The following MACF1 variants were observed in gnomAD, a reference collection of about 807,000 sequenced individuals.
MACF1 encodes microtubule actin crosslinking factor 1, also known as microtubule-actin cross-linking factor 1.
In MACF1, 193 loss-of-function variants were observed where a neutral mutation model predicts 854.8. That is an observed-to-expected ratio of 0.23 (90% CI 0.20 to 0.25). The LOEUF (loss-of-function observed/expected upper bound fraction) is 0.25, where lower values mean the gene tolerates loss of function less well. MACF1 is among the 10% of genes least tolerant of loss of function. The pLI is 1.00. For missense variants in MACF1, 7,722 were observed against 8,929.1 expected (o/e 0.86, Z 5.45); for synonymous variants, 3,185 against 3,226.7 (o/e 0.99, Z 0.44).
rs144760259 is a variant in MACF1, at chr1:39,387,969, G to T, written c.15127G>T (p.Ala5043Ser). The T allele has an allele frequency of 5.1e-3, 8,253 of 1,614,050 alleles. 61 individuals carry two copies. The highest frequency in any genetic ancestry group is 4.9e-3 in the Non-Finnish European group (5,769 of 1,180,016). ...LEIFDALGSQ[A>S]CSNKNLEKLR... is the part of the protein sequence containing the mutation. The stretch of plus-strand genomic sequence containing the variant: ...GATCTTTGATGCTCTGGGTTCTCAA[G>T]CCTGTAGCAACAAGAACCTGGAGAA... The change falls in exon 58 of 101, where the codon GCC becomes TCC. Residue 5043 changes from alanine to serine, a missense_variant. Ala to Ser is a moderately conservative substitution (Grantham distance 99). Transcript: ENST00000564288.
At chr1:39,477,135 T>TATACACACACATATATACACACACAC (rs71060314) in intron 97 of MACF1, among the ~76,000 whole-genome samples, 1 of 103,370 alleles carries the variant, frequency 9.7e-6, no homozygotes, top group African/African-American at 3.9e-5. Context: ...TATATATATA[T>TATACACACACATATATACACACACAC]ACACACACAC....
At chr1:39,134,257 A>G (rs1262849434) in intron 2 of MACF1, among the ~76,000 whole-genome samples, 1 of 150,956 alleles carries the variant, frequency 6.6e-6, no homozygotes, top group Non-Finnish European at 1.5e-5. Context: ...TGTGTTAGCC[A>G]GGATGGTTTC....
chr1:39,131,807 GTTTA>G (rs926379885), intron 2 of MACF1, among the ~76,000 whole-genome samples: 5 of 152,106 alleles, frequency 3.3e-5, no homozygotes, highest in South Asian at 2.1e-4. Flanking sequence ...ATTTTTGTTT[GTTTA>G]TTTATTTGTT....
chr1:39,223,923 G>A (rs1241182887), intron 1 of MACF1, among the ~76,000 whole-genome samples: 2 of 152,174 alleles, frequency 1.3e-5, no homozygotes, highest in Non-Finnish European at 2.9e-5. Context: ...GAGAAGGATG[G>A]ATTACAGCAG....
chr1:39,441,568 C>T (rs1279745653), intron 74 of MACF1, among the ~76,000 whole-genome samples: 4 of 152,198 alleles, frequency 2.6e-5, no homozygotes, highest in African/African-American at 9.7e-5. Flanking sequence ...CATTCAGCTA[C>T]GTTGTGAAGC....
chr1:39,399,673 G>A (rs528695920), intron 58 of MACF1, among the ~76,000 whole-genome samples: 21 of 152,052 alleles, frequency 1.4e-4, no homozygotes, highest in Non-Finnish European at 2.4e-4. Flanking sequence ...CACCATGCCC[G>A]GCCTTATAAA....
rs140280687 is a variant in MACF1 at position 39,412,741 on chromosome 1, G to A, written c.15817-9633G>A. 9.5e-4 allele frequency: 1,528 copies of A among 1,613,612 alleles called. 16 individuals carry two copies. The African/African-American group carries it at 0.018, about 19-fold the overall frequency. On this transcript the variant is annotated intron_variant, in intron 58 of 100. Coordinates refer to ENST00000564288, the MANE Select transcript of MACF1 (RefSeq NM_001394062.1). ...TGGTAATACTGAACCAGTTTTAGAG[G>A]AATGGATACCCGTCCTCCAGAGACC...
chr1:39,401,295 T>C (rs968391446), intron 58 of MACF1, among the ~76,000 whole-genome samples: 4 of 152,212 alleles, frequency 2.6e-5, no homozygotes, highest in African/African-American at 7.2e-5. Flanking sequence ...AGCCACTCAG[T>C]TGCCCATTAG....
Position 39,434,402 on chromosome 1 carries a change from T to TC in MACF1, c.17566-12_17566-11insC. On this transcript the variant is annotated splice_polypyrimidine_tract_variant and intron_variant, in intron 68 of 100. Transcript: ENST00000564288. The stretch of plus-strand genomic sequence containing the variant: ...ATACTTATCCTTTTTTTTTTTTTTT[T>TC]TGCTCACATAGGAAAAGACAGAGTC... 1 of 1,409,504 alleles carries TC rather than the reference T, an allele frequency of 7.1e-7. No homozygotes were observed. Among genetic ancestry groups the TC allele is most frequent in the African/African-American group, 1.4e-5 (1 of 69,076 alleles). The allele number at this position is 1,409,504 out of a possible 1,614,324, so 87.3% of individuals were successfully genotyped here.
chr1:39,187,493 C>T (rs1262771748), intron 2 of MACF1, among the ~76,000 whole-genome samples: 1 of 152,130 alleles, frequency 6.6e-6, no homozygotes, highest in Non-Finnish European at 1.5e-5. Context: ...CACCTGTCTT[C>T]CCTGTTGGAT....
intron 58 of MACF1, among the ~76,000 whole-genome samples, chr1:39,398,363 T>A (rs1175554242): frequency 6.6e-6 from 1 of 152,108 alleles, no homozygotes; most frequent in Non-Finnish European, 1.5e-5. Context: ...GGCCTTGAAC[T>A]CCTGAGCTCA....
chr1:39,315,560 T>G lies in MACF1; in HGVS notation c.3318T>G (p.Val1106=). The change falls in exon 27 of 101, where the codon GTT becomes GTG. Residue 1106 remains valine, a synonymous_variant. Transcript: ENST00000564288. Reference sequence around the variant, plus strand: ...AATTGAGGTCAGACTTGGATGCAGTTTCTATGAAATGTGACAGCTTTCTCC... The same window carrying G: ...AATTGAGGTCAGACTTGGATGCAGTGTCTATGAAATGTGACAGCTTTCTCC... ...LQQLRSDLDA[V]SMKCDSFLHQ... The G allele has an allele frequency of 6.2e-7, 1 of 1,614,158 alleles. No homozygotes were observed. Among genetic ancestry groups the G allele is most frequent in the Non-Finnish European group, 8.5e-7 (1 of 1,180,010 alleles).
At chr1:39,260,357 TTTTTC>T (rs1645147917) in intron 6 of MACF1, 1 of 151,944 alleles carries the variant, frequency 6.6e-6, no homozygotes, top group African/African-American at 2.4e-5. Context: ...TATTTCTTTC[TTTTTC>T]TTTTCTTTTT....
chr1:39,251,768 G>A (rs1645042410), intron 3 of MACF1, 78 bp from the exon 4 acceptor site: 4 of 744,238 alleles, frequency 5.4e-6, no homozygotes, highest in East Asian at 6.7e-5. Flanking sequence ...TTTAAGTGTT[G>A]CATTCATTTC....
Position 39,388,488 on chromosome 1 carries a change from G to C in MACF1, c.15646G>C (p.Gly5216Arg). 1 of 1,614,184 alleles carries C rather than the reference G, an allele frequency of 6.2e-7. No homozygotes were observed. The highest frequency in any genetic ancestry group is 8.5e-7 in the Non-Finnish European group (1 of 1,180,040). ...ACAGTGTGGCAAACTGACAGAGAGG[G>C]GGAAAGCTCGTCAGGAACAGCTGGA... The part of the protein sequence containing the change: ...NKQCGKLTER[G>R]KARQEQLELT... Residue 5216 changes from glycine to arginine, a missense_variant, in exon 58 of 101, where the codon GGG becomes CGG. Gly to Arg is a moderately radical substitution (Grantham distance 125, BLOSUM62 -2). Coordinates refer to ENST00000564288, the MANE Select transcript of MACF1 (RefSeq NM_001394062.1).
At chr1:39,360,040 TATATATATATATAC>T (rs1455474685) in intron 47 of MACF1, among the ~76,000 whole-genome samples, 137 of 58,920 alleles carry the variant, frequency 2.3e-3, no homozygotes, top group African/African-American at 4.8e-3. Flanking sequence ...TATATATATA[TATATATATATATAC>T]ACACACACAC....
rs764730015 is a variant in MACF1 at position 39,310,851 on chromosome 1, G to A, written c.3121G>A (p.Ala1041Thr). The change falls in exon 26 of 101, where the codon GCC becomes ACC. Residue 1041 changes from alanine to threonine, a missense_variant. Physicochemically the swap from Ala to Thr is moderately conservative, Grantham distance 58. Transcript: ENST00000564288. ...MENEDKEETV[A>T]KMYISELKNI... Reference sequence around the variant, plus strand: ...CACAGAGGACAAAGAGGAGACTGTGGCCAAGATGTACATTTCAGAGTTGAA... The same window carrying A: ...CACAGAGGACAAAGAGGAGACTGTGACCAAGATGTACATTTCAGAGTTGAA... 35 of 1,612,744 alleles carry A rather than the reference G, an allele frequency of 2.2e-5. No individual in the cohort carries two copies. In the East Asian group the frequency reaches 7.1e-4, roughly 33 times the overall value.
Position 39,382,333 on chromosome 1 carries a change from CTAT to C in MACF1, c.13848+193_13848+195del, listed in dbSNP as rs756150138. Among the ~76,000 whole-genome samples the C allele has an allele frequency of 7.7e-4, 117 of 152,122 alleles. 1 individual carries two copies. Among genetic ancestry groups the C allele is most frequent in the Middle Eastern group, 3.4e-3 (1 of 292 alleles). Reference sequence around the variant, plus strand: ...GTAAAATAGTAAACAGTCAAAAACTCTATTATTATTATTAATAGAGACAGTAAG... The same window carrying C: ...GTAAAATAGTAAACAGTCAAAAACTCTATTATTATTAATAGAGACAGTAAG... On this transcript the variant is annotated intron_variant, in intron 56 of 100. Coordinates refer to ENST00000564288, the MANE Select transcript of MACF1 (RefSeq NM_001394062.1).
At chr1:39,268,856 A>G (rs1645268437) in intron 6 of MACF1, 6 of 1,289,694 alleles carry the variant, frequency 4.7e-6, no homozygotes, top group Non-Finnish European at 6.1e-6. Flanking sequence ...AAACCTCAGA[A>G]GGAACTGGAG....
Sources: gnomAD v4.1 joint callset for allele counts (sites outside exome capture counted in the v4.1 genomes callset) on GRCh38, gnomAD v4.1.1 for gene constraint, MANE v1.5 for transcripts, NCBI Gene and HGNC (gene_info 2026-07-23, HGNC 2026-07-21) for gene names.